Variants in DRC2 observed in about 807,000 individuals in gnomAD.
DRC2 encodes the protein dynein regulatory complex subunit 2.
the DRC2 span, chr12:48,918,881 C>T: frequency 8.7e-6 from 14 of 1,613,316 alleles, no homozygotes; most frequent in Non-Finnish European, 1.2e-5. Context: ...ACCCTCAAGG[C>T]CCTGAGAAAG....
the DRC2 span, among the ~76,000 whole-genome samples, chr12:48,907,874 C>T: frequency 3.9e-5 from 6 of 152,292 alleles, no homozygotes; most frequent in East Asian, 1.9e-4. Flanking sequence ...CAGCATTCCC[C>T]GGATTTCTGA....
the DRC2 span, among the ~76,000 whole-genome samples, chr12:48,920,441 T>TTTTTAAAAAAAAA: frequency 1.5e-5 from 1 of 67,814 alleles, no homozygotes; most frequent in Non-Finnish European, 2.6e-5. Context: ...AACTCCATCT[T>TTTTTAAAAAAAAA]AAAAAAAAAA....
the DRC2 span, chr12:48,914,313 G>A: frequency 7.6e-7 from 1 of 1,317,596 alleles, no homozygotes; most frequent in Admixed American, 2.2e-5. Context: ...TTGGCATTAG[G>A]AACAAAGAAA....
chr12:48,905,238 A>T, the DRC2 span: 1 of 854,198 alleles, frequency 1.2e-6, no homozygotes, highest in Non-Finnish European at 1.8e-6. Context: ...TATTGGTAAT[A>T]ATGGTTTTCA....
At chr12:48,905,043 T>TTCATAATGTCATAAGGACAATG in the DRC2 span, 1 of 1,614,026 alleles carries the variant, frequency 6.2e-7, no homozygotes, top group South Asian at 1.1e-5. Context: ...ACCAGAGAAC[T>TTCATAATGTCATAAGGACAATG]TCATAAGGAC....
chr12:48,921,109 T>C, the DRC2 span: 1 of 1,609,864 alleles, frequency 6.2e-7, no homozygotes, highest in African/African-American at 1.3e-5. Flanking sequence ...GGTGGGGCAT[T>C]GGGCAGCATT....
At chr12:48,909,666 C>G in the DRC2 span, among the ~76,000 whole-genome samples, 1 of 151,850 alleles carries the variant, frequency 6.6e-6, no homozygotes, top group East Asian at 1.9e-4. Context: ...TTAGTAGATA[C>G]GGGGTTTCGC....
the DRC2 span, chr12:48,904,180 T>G: frequency 4.5e-6 from 4 of 889,590 alleles, no homozygotes; most frequent in African/African-American, 5.1e-5. Flanking sequence ...TAGCCGGGGA[T>G]CTCTCCTGTT....
the DRC2 span, among the ~76,000 whole-genome samples, chr12:48,909,067 G>A: frequency 8.2e-6 from 1 of 122,238 alleles, no homozygotes; most frequent in Non-Finnish European, 1.7e-5. Flanking sequence ...TTTTGAGATG[G>A]AGTTTTGCTC....
At chr12:48,921,492 GAAA>G in the DRC2 span, 48 of 1,528,926 alleles carry the variant, frequency 3.1e-5, no homozygotes, top group Non-Finnish European at 4.1e-5. Context: ...GTGATCTAAG[GAAA>G]AAAATCTTTC....
At chr12:48,904,581 AC>A in the DRC2 span, 1 of 1,391,924 alleles carries the variant, frequency 7.2e-7, no homozygotes, top group South Asian at 1.4e-5. Flanking sequence ...AAATCCTGAG[AC>A]CCAGATATAC....
the DRC2 span, chr12:48,904,858 A>G: frequency 8.1e-6 from 9 of 1,115,026 alleles, no homozygotes; most frequent in Non-Finnish European, 1.1e-5. Flanking sequence ...GAAAAGGGGT[A>G]AGGTGTCAGC....
chr12:48,920,818 T>C, the DRC2 span: 1 of 914,996 alleles, frequency 1.1e-6, no homozygotes, highest in Non-Finnish European at 1.7e-6. Flanking sequence ...TTTATTGCTA[T>C]TGTTTCCCAC....
the DRC2 span, chr12:48,914,403 G>A: frequency 6.2e-7 from 1 of 1,601,502 alleles, no homozygotes; most frequent in Non-Finnish European, 8.5e-7. Context: ...TTCTGGCCTA[G>A]TCTTTAGCTA....
the DRC2 span, among the ~76,000 whole-genome samples, chr12:48,913,485 T>C: frequency 2.0e-5 from 3 of 151,158 alleles, no homozygotes; most frequent in Non-Finnish European, 3.0e-5. Context: ...GTATTTTTAT[T>C]ATTTATTTAT....
the DRC2 span, among the ~76,000 whole-genome samples, chr12:48,905,840 C>T: frequency 6.6e-6 from 1 of 151,926 alleles, no homozygotes; most frequent in Non-Finnish European, 1.5e-5. Flanking sequence ...GGCACAATCT[C>T]GGCTCAGTGC....
the DRC2 span, among the ~76,000 whole-genome samples, chr12:48,907,336 G>T: frequency 1.3e-5 from 2 of 152,254 alleles, no homozygotes; most frequent in African/African-American, 4.8e-5. Flanking sequence ...CAAGGTCATC[G>T]CCAAGATCTG....
chr12:48,910,034 C>T, the DRC2 span, among the ~76,000 whole-genome samples: 4 of 152,180 alleles, frequency 2.6e-5, no homozygotes, highest in Admixed American at 2.0e-4. Flanking sequence ...CCTGCCTCAG[C>T]CTCCCAAAGT....
chr12:48,914,421 G>A, the DRC2 span: 1 of 1,612,196 alleles, frequency 6.2e-7, no homozygotes, highest in African/African-American at 1.3e-5. Flanking sequence ...CTAAAGACCT[G>A]TCCGAAGCCG....
Sources: allele counts gnomAD v4.1 joint callset (sites outside exome capture counted in the v4.1 genomes callset), GRCh38; gene constraint gnomAD v4.1.1; transcripts MANE v1.5; gene names NCBI Gene and HGNC (gene_info 2026-07-23, HGNC 2026-07-21).